Variants in RBFOX1 observed in about 807,000 individuals in gnomAD.
The protein encoded by RBFOX1 is RNA binding protein fox-1 homolog 1.
Under a neutral mutation model 57.7 loss-of-function variants are expected in RBFOX1, and 8 were observed. The ratio of observed to expected loss-of-function variants is 0.14; its 90% CI spans 0.08 to 0.25. The LOEUF (loss-of-function observed/expected upper bound fraction) is 0.25. Ranked by LOEUF, RBFOX1 falls within the 10% of genes least tolerant of loss-of-function variation. RBFOX1 has a pLI of 1.00. For missense variants in RBFOX1, 611 were observed against 548.5 expected (o/e 1.11, Z -1.14); for synonymous variants, 326 against 222.4 (o/e 1.47, Z -4.15).
At chr16:5,479,628 GCA>G (rs142895009) in intron 2 of RBFOX1, among the ~76,000 whole-genome samples, 31,813 of 151,734 alleles carry the variant, frequency 0.21, 3,568 homozygotes, top group Middle Eastern at 0.3. Flanking sequence ...GTGTGGTGGT[GCA>G]CGCCTGTCAT....
At chr16:6,423,029 T>C (rs2093819438) in intron 2 of RBFOX1, among the ~76,000 whole-genome samples, 1 of 152,218 alleles carries the variant, frequency 6.6e-6, no homozygotes, top group Admixed American at 6.5e-5. Context: ...ATGCTGTATA[T>C]GTACTACATT....
chr16:7,327,536 G>A (rs1056820315), intron 4 of RBFOX1, among the ~76,000 whole-genome samples: 1 of 152,184 alleles, frequency 6.6e-6, no homozygotes, highest in African/African-American at 2.4e-5. Context: ...TGTGATGATA[G>A]GATCAGGGAA....
chr16:7,435,506 T>C (rs2098714516), intron 4 of RBFOX1, among the ~76,000 whole-genome samples: 1 of 152,212 alleles, frequency 6.6e-6, no homozygotes, highest in African/African-American at 2.4e-5. Context: ...CTATGAGCAG[T>C]TGACACTTAC....
At chr16:6,604,271 A>G (rs868764392) in intron 2 of RBFOX1, among the ~76,000 whole-genome samples, 5 of 152,016 alleles carry the variant, frequency 3.3e-5, no homozygotes, top group East Asian at 1.9e-4. Context: ...CAAAATGGCT[A>G]TTTTAGAAAA....
chr16:6,832,112 T>G (rs532180413), intron 3 of RBFOX1, among the ~76,000 whole-genome samples: 1 of 152,246 alleles, frequency 6.6e-6, no homozygotes, highest in Non-Finnish European at 1.5e-5. Context: ...TATGTTAGGA[T>G]AAAACTTTTT....
At chr16:6,212,001 C>T (rs952292893) in intron 1 of RBFOX1, among the ~76,000 whole-genome samples, 11 of 152,038 alleles carry the variant, frequency 7.2e-5, no homozygotes, top group South Asian at 2.1e-4. Context: ...AGGCACACAG[C>T]GCCATGCCTG....
intron 4 of RBFOX1, among the ~76,000 whole-genome samples, chr16:5,951,425 G>C (rs557892666): frequency 6.6e-6 from 1 of 152,216 alleles, no homozygotes; most frequent in Admixed American, 6.5e-5. Flanking sequence ...TCCAGCCTGG[G>C]CAACACAGCA....
chr16:7,149,586 A>T (rs1290054987), intron 4 of RBFOX1, among the ~76,000 whole-genome samples: 2 of 151,222 alleles, frequency 1.3e-5, no homozygotes, highest in African/African-American at 4.9e-5. Flanking sequence ...CCCAGGCTCA[A>T]AAGATCCTCT....
chr16:7,014,802 G>A (rs1054011029), intron 3 of RBFOX1, among the ~76,000 whole-genome samples: 12 of 152,082 alleles, frequency 7.9e-5, no homozygotes, highest in Admixed American at 7.9e-4. Context: ...TCGGCTCACT[G>A]CAACCTCCGT....
At chr16:6,678,087 A>G (rs1254669898) in intron 3 of RBFOX1, among the ~76,000 whole-genome samples, 1 of 152,218 alleles carries the variant, frequency 6.6e-6, no homozygotes, top group East Asian at 1.9e-4. Flanking sequence ...TAGCCAAAGT[A>G]TTCTCATCAT....
At chr16:7,303,734 C>G (rs1328902443) in intron 4 of RBFOX1, among the ~76,000 whole-genome samples, 1 of 151,504 alleles carries the variant, frequency 6.6e-6, no homozygotes, top group Admixed American at 6.6e-5. Flanking sequence ...CTCTTTCAAT[C>G]TCTCTCTCTC....
chr16:5,734,146 A>C (rs1348805960), intron 3 of RBFOX1, among the ~76,000 whole-genome samples: 1 of 152,034 alleles, frequency 6.6e-6, no homozygotes, highest in East Asian at 1.9e-4. Flanking sequence ...TGGGTCTCTG[A>C]GATAGGTGTC....
At position 7,712,466 on chromosome 16, in the gene RBFOX1, T is replaced by A. The variant is rs2084140901; in HGVS notation, c.*1721T>A. Reference sequence around the variant, plus strand: ...TGCATGCCGTAAGATCAGTTGGATATTAAACCATCAATAAAGTTTCACAAG... The same window carrying A: ...TGCATGCCGTAAGATCAGTTGGATAATAAACCATCAATAAAGTTTCACAAG... On this transcript the variant is annotated 3_prime_UTR_variant, in exon 16 of 16. Coordinates refer to ENST00000550418, the MANE Select transcript of RBFOX1 (RefSeq NM_018723.4). 6.6e-6 allele frequency: 1 copy of A among 152,658 alleles called. No individual in the cohort carries two copies. The highest frequency in any genetic ancestry group is 1.5e-5 in the Non-Finnish European group (1 of 68,050). 9.5% of individuals were successfully genotyped at this position (152,658 alleles called of 1,614,324 possible). A position where few individuals can be genotyped will look rare whatever the true frequency, so the allele number is the denominator to read the frequency against.
chr16:6,612,861 A>AT (rs140974126), intron 2 of RBFOX1, among the ~76,000 whole-genome samples: 13,868 of 79,846 alleles, frequency 0.17, 813 homozygotes, highest in South Asian at 0.23. Flanking sequence ...AAAAAAAAAA[A>AT]AAAATAATAA....
intron 3 of RBFOX1, among the ~76,000 whole-genome samples, chr16:5,829,077 C>T (rs977361617): frequency 1.3e-5 from 2 of 152,128 alleles, no homozygotes; most frequent in African/African-American, 2.4e-5. Context: ...GCATTCTATT[C>T]TTTAGAGGGA....
intron 3 of RBFOX1, among the ~76,000 whole-genome samples, chr16:5,773,247 T>C (rs1268701784): frequency 1.3e-5 from 2 of 152,168 alleles, no homozygotes; most frequent in East Asian, 3.9e-4. Flanking sequence ...TGTATAAATT[T>C]ATAAAGCATG....
In RBFOX1 at chr16:5,620,851, G is replaced by T. The variant is rs995319752; in HGVS notation, c.318+21890G>T. 2.0e-5 allele frequency among the ~76,000 whole-genome samples: 3 copies of T among 152,010 alleles called. No individual in the cohort carries two copies. The South Asian group carries it at 6.2e-4, about 32-fold the overall frequency. On this transcript the variant is annotated intron_variant, in intron 3 of 19. Coordinates refer to the RBFOX1 transcript ENST00000641259. ...GTGCCACTACACTCAATTTTTATTT[G>T]TATTTTTTTGAGACAGAGTTGCTCT... is the stretch of plus-strand genomic sequence containing the variant.
intron 4 of RBFOX1, among the ~76,000 whole-genome samples, chr16:7,311,069 T>C (rs1220547543): frequency 6.6e-6 from 1 of 152,184 alleles, no homozygotes; most frequent in African/African-American, 2.4e-5. Flanking sequence ...TTAAGTTCTT[T>C]GTGATGCTTT....
intron 1 of RBFOX1, among the ~76,000 whole-genome samples, chr16:5,402,871 C>T (rs991901108): frequency 4.6e-5 from 7 of 152,130 alleles, no homozygotes; most frequent in African/African-American, 1.7e-4. Context: ...TAAGTGCCAG[C>T]CGCATACTAG....
Sources: gnomAD v4.1 joint callset for allele counts (sites outside exome capture counted in the v4.1 genomes callset) on GRCh38, gnomAD v4.1.1 for gene constraint, MANE v1.5 for transcripts, NCBI Gene and HGNC (gene_info 2026-07-23, HGNC 2026-07-21) for gene names.